Variants in CACNA1C observed in about 807,000 individuals in gnomAD.
The protein encoded by CACNA1C is calcium voltage-gated channel subunit alpha1 C.
A neutral mutation model predicts 229.0 loss-of-function variants in CACNA1C; 30 were observed. That is an observed-to-expected ratio of 0.13 (90% confidence interval 0.10 to 0.18). CACNA1C has a LOEUF of 0.18. Ranked by LOEUF, CACNA1C falls within the 10% of genes least tolerant of loss-of-function variation. The probability of loss-of-function intolerance (pLI) is 1.00; values close to 1 mark genes in which losing one functional copy is unlikely to be tolerated. For missense variants in CACNA1C, 1,658 were observed against 2,845.0 expected, an observed-to-expected ratio of 0.58 and a Z score of 9.49; for synonymous variants, 1,114 against 1,132.5, an observed-to-expected ratio of 0.98 and a Z score of 0.33.
At chr12:2,055,107 G>A (rs1041006842) in intron 1 of CACNA1C, among the ~76,000 whole-genome samples, 1 of 152,234 alleles carries the variant, frequency 6.6e-6, no homozygotes, top group Non-Finnish European at 1.5e-5. Flanking sequence ...AGGGTCATGG[G>A]TTCTAGGGTG....
rs375154275 is a variant in CACNA1C, at chr12:2,109,078, C to T, written c.50-6146C>T. 7.8e-4 allele frequency among the ~76,000 whole-genome samples: 119 copies of T among 152,322 alleles called. 1 individual carries two copies. In the South Asian group the frequency reaches 0.024, roughly 31 times the overall value. Reference sequence around the variant, plus strand: ...TCTAGGTGTGAGCTGCGGCTGCTCACCCTCTCTAAATCGATGTGGGTGTCT... The same window carrying T: ...TCTAGGTGTGAGCTGCGGCTGCTCATCCTCTCTAAATCGATGTGGGTGTCT... On this transcript the variant is annotated intron_variant, in intron 1 of 46. Coordinates refer to ENST00000399655, the MANE Select transcript of CACNA1C (RefSeq NM_000719.7).
chr12:2,048,105 C>T (rs1242078032), upstream of CACNA1C, among the ~76,000 whole-genome samples: 1 of 152,202 alleles, frequency 6.6e-6, no homozygotes, highest in Non-Finnish European at 1.5e-5. Flanking sequence ...AATTCGGTGA[C>T]AATGAGCGCA....
chr12:2,271,706 C>CCT (rs1414725600), intron 3 of CACNA1C, among the ~76,000 whole-genome samples: 4 of 151,904 alleles, frequency 2.6e-5, no homozygotes, highest in African/African-American at 4.8e-5. Flanking sequence ...TTGACACCAG[C>CCT]CTGGGAAACA....
rs931006264 is a variant in CACNA1C at position 2,428,801 on chromosome 12, G to A, written c.478-20175G>A. 4.6e-5 allele frequency among the ~76,000 whole-genome samples: 7 copies of A among 152,180 alleles called. No individual in the cohort carries two copies. The East Asian group carries it at 5.8e-4, about 13-fold the overall frequency. On this transcript the variant is annotated intron_variant, in intron 3 of 46. Coordinates refer to ENST00000399655, the MANE Select transcript of CACNA1C (RefSeq NM_000719.7). ...TTGCCCTGGGCAGTGACTTTGCAGCGGGAAACCAAGAGGCTGATGCTGATG... is the reference window on the plus strand; with the variant it reads ...TTGCCCTGGGCAGTGACTTTGCAGCAGGAAACCAAGAGGCTGATGCTGATG...
At chr12:2,312,328 G>A (rs942764018) in intron 3 of CACNA1C, among the ~76,000 whole-genome samples, 4 of 152,208 alleles carry the variant, frequency 2.6e-5, no homozygotes, top group Admixed American at 1.3e-4. Context: ...TGGCAGTGGG[G>A]CAGGCGTGCG....
chr12:2,457,141 G>C (rs755381836), intron 4 of CACNA1C, among the ~76,000 whole-genome samples: 1 of 152,248 alleles, frequency 6.6e-6, no homozygotes, highest in Non-Finnish European at 1.5e-5. Context: ...AAGAGGGGGG[G>C]TATCTAGAAG....
rs1385968640 is a variant in CACNA1C, at chr12:2,181,664, G to A, written c.477+61234G>A. 6.6e-6 allele frequency among the ~76,000 whole-genome samples: 1 copy of A among 152,094 alleles called. No homozygotes were observed. The highest frequency in any genetic ancestry group is 1.5e-5 in the Non-Finnish European group (1 of 68,022). Reference sequence around the variant, plus strand: ...GTAGGCCAGGGCAAGAAAAAGAAGAGCAATAATATTCTAGTTATTGTAGGC... The same window carrying A: ...GTAGGCCAGGGCAAGAAAAAGAAGAACAATAATATTCTAGTTATTGTAGGC... On this transcript the variant is annotated intron_variant, in intron 3 of 46. Transcript: ENST00000399655. The surrounding 1 kb of genome is among the most constrained non-coding windows in gnomAD (Gnocchi z 4.0).
At chr12:2,578,495 T>G (rs2059370009) in intron 13 of CACNA1C, among the ~76,000 whole-genome samples, 1 of 152,106 alleles carries the variant, frequency 6.6e-6, no homozygotes, top group African/African-American at 2.4e-5. Context: ...CCTCACCTCA[T>G]AGCAACACCC....
intron 1 of CACNA1C, among the ~76,000 whole-genome samples, chr12:2,008,193 C>T (rs1312589164): frequency 6.6e-6 from 1 of 152,158 alleles, no homozygotes; most frequent in African/African-American, 2.4e-5. Flanking sequence ...TCACAGCTCA[C>T]TGCAGACTTG....
chr12:2,180,874 G>A (rs1369478206), intron 3 of CACNA1C, among the ~76,000 whole-genome samples: 1 of 152,240 alleles, frequency 6.6e-6, no homozygotes, highest in Non-Finnish European at 1.5e-5. Flanking sequence ...TGAGTGCAGA[G>A]TATGGGGTGC....
At chr12:2,039,283 A>G (rs185157232) in intron 1 of CACNA1C, among the ~76,000 whole-genome samples, 15 of 152,338 alleles carry the variant, frequency 9.8e-5, no homozygotes, top group Admixed American at 6.5e-4. Context: ...TTTTCCAGGA[A>G]CATTAGCTAC....
At chr12:2,247,785 C>T (rs1345956975) in intron 3 of CACNA1C, among the ~76,000 whole-genome samples, 1 of 152,172 alleles carries the variant, frequency 6.6e-6, no homozygotes, top group African/African-American at 2.4e-5. Flanking sequence ...TTCTCTGTCA[C>T]CTCCACTTAG....
At chr12:2,068,390 A>G (rs2060143109) in intron 1 of CACNA1C, among the ~76,000 whole-genome samples, 1 of 152,176 alleles carries the variant, frequency 6.6e-6, no homozygotes, top group African/African-American at 2.4e-5. Flanking sequence ...GGAGGCAGGC[A>G]GAGAGGCGGT....
In CACNA1C at chr12:2,108,124, C is replaced by A. The variant is rs1478284629; in HGVS notation, c.50-7100C>A. On this transcript the variant is annotated intron_variant, in intron 1 of 46. Transcript: ENST00000399655. This position sits in a 1 kb window ranked among gnomAD's most constrained non-coding sequence, Gnocchi z 5.3. ...CTATTACTGTAAATGTTGTATTGGA[C>A]AGTGTTGCTATAGACTGGTCTATAT... 6.6e-6 allele frequency among the ~76,000 whole-genome samples: 1 copy of A among 152,184 alleles called. No homozygotes were observed.
At position 2,665,383 on chromosome 12, in the gene CACNA1C, G is replaced by A. The variant is rs2096029055; in HGVS notation, c.4399-198G>A. ...GGGAAGCTGTCCAGCCCACCTGTGG[G>A]TTCATCACACACAACTCTCAGGGAA... On this transcript the variant is annotated intron_variant, in intron 35 of 46. Coordinates refer to ENST00000399655, the MANE Select transcript of CACNA1C (RefSeq NM_000719.7). The surrounding 1 kb of genome is among the most constrained non-coding windows in gnomAD (Gnocchi z 5.9). Among the ~76,000 whole-genome samples the A allele has an allele frequency of 6.6e-6, 1 of 152,222 alleles. No individual in the cohort carries two copies. The highest frequency in any genetic ancestry group is 2.1e-4 in the South Asian group (1 of 4,832).
chr12:2,557,188 T>C (rs1480253347), intron 11 of CACNA1C, among the ~76,000 whole-genome samples: 4 of 152,244 alleles, frequency 2.6e-5, no homozygotes, highest in Non-Finnish European at 5.9e-5. Flanking sequence ...TTGAATGATC[T>C]TGGACTGTCC....
intron 1 of CACNA1C, among the ~76,000 whole-genome samples, chr12:2,107,630 T>C (rs2079658054): frequency 6.6e-6 from 1 of 152,268 alleles, no homozygotes. Flanking sequence ...TCATCTCTCA[T>C]TTATGTGATG....
intron 5 of CACNA1C, among the ~76,000 whole-genome samples, chr12:2,475,057 T>C (rs919036342): frequency 2.0e-5 from 3 of 152,152 alleles, no homozygotes; most frequent in Admixed American, 6.5e-5. Flanking sequence ...CCCAGCACTT[T>C]GGTGGGCCGA....
At chr12:2,214,039 A>G (rs1185367521) in intron 3 of CACNA1C, among the ~76,000 whole-genome samples, 1 of 152,176 alleles carries the variant, frequency 6.6e-6, no homozygotes, top group Non-Finnish European at 1.5e-5. Context: ...CTGCACCTTC[A>G]GCTCTTAGGC....
Sources: allele counts gnomAD v4.1 joint callset (sites outside exome capture counted in the v4.1 genomes callset), GRCh38; gene constraint gnomAD v4.1.1; non-coding constraint Gnocchi (gnomAD v3.1); transcripts MANE v1.5; gene names NCBI Gene and HGNC (gene_info 2026-07-23, HGNC 2026-07-21).